The following SVEP1 variants were observed in gnomAD, a reference collection of about 807,000 sequenced individuals.
SVEP1 encodes sushi, von Willebrand factor type A, EGF and pentraxin domain containing 1, also known as sushi, von Willebrand factor type A, EGF and pentraxin domain-containing protein 1.
In SVEP1, 164 loss-of-function variants were observed where a neutral mutation model predicts 367.3. The observed-to-expected ratio is 0.45, with a 90% CI of 0.39 to 0.51. The LOEUF is 0.51. Among genes scored for constraint, SVEP1 ranks in the 20% least tolerant of loss-of-function variants. SVEP1 has a pLI of 0.00. For synonymous variants in SVEP1, 1,666 were observed against 1,611.6 expected (o/e 1.03, Z -0.81); for missense variants, 4,117 against 4,425.3 (o/e 0.93, Z 1.98).
chr9:110,521,554 G>T (rs10980425), intron 3 of SVEP1, among the ~76,000 whole-genome samples: 4 of 152,058 alleles, frequency 2.6e-5, no homozygotes, highest in African/African-American at 9.7e-5. Flanking sequence ...TTATATGTTG[G>T]GGATCAATAT....
chr9:110,435,464 T>TA, intron 28 of SVEP1, 100 bp from the exon 29 acceptor site: 1 of 1,397,842 alleles, frequency 7.2e-7, no homozygotes, highest in Non-Finnish European at 9.7e-7. Flanking sequence ...ACAGATTTTT[T>TA]AGAGATGGGG....
chr9:110,579,399 G>C lies in SVEP1; in HGVS notation c.145C>G (p.Pro49Ala). ...APGAPGSIPA[P>A]PAPGDEAAGS... ...GCCGCTTCGTCGCCAGGAGCGGGCG[G>C]CGCGGGGATACTCCCGGGGGCCCCG... The change falls in exon 1 of 48, where the codon CCG becomes GCG. Residue 49 changes from proline to alanine, a missense_variant. Pro to Ala is a conservative substitution (Grantham distance 27). Transcript: ENST00000374469. The surrounding 1 kb of genome is among the most constrained non-coding windows in gnomAD (Gnocchi z 5.3). 6.4e-7 allele frequency: 1 copy of C among 1,572,836 alleles called. No homozygotes were observed. Among genetic ancestry groups the C allele is most frequent in the African/African-American group, 1.4e-5 (1 of 73,998 alleles).
Position 110,550,029 on chromosome 9 carries a change from C to A in SVEP1, c.607G>T (p.Asp203Tyr). ...AGTGACGCTGCAATTGGTCTAGGGTCTCCCCCATTGGAATATCCATCAGTG... is the reference window on the plus strand; with the variant it reads ...AGTGACGCTGCAATTGGTCTAGGGTATCCCCCATTGGAATATCCATCAGTG... ...LITDGYSNGG[D>Y]PRPIAASLRD... The change falls in exon 2 of 48, where the codon GAC (aspartate) becomes TAC (tyrosine). Residue 203 changes from aspartate (D) to tyrosine (Y), a missense_variant. Asp to Tyr is a radical substitution (Grantham distance 160). Coordinates refer to ENST00000374469, the MANE Select transcript of SVEP1 (RefSeq NM_153366.4). The A allele has an allele frequency of 1.2e-6, 2 of 1,614,022 alleles. No homozygotes were observed. Among genetic ancestry groups the A allele is most frequent in the Non-Finnish European group, 1.7e-6 (2 of 1,179,890 alleles).
chr9:110,432,728 G>C, intron 30 of SVEP1, 93 bp from the exon 31 acceptor site: 1 of 1,422,216 alleles, frequency 7.0e-7, no homozygotes, highest in East Asian at 2.3e-5. Context: ...AGTTAAGCAT[G>C]ACATTTTTAC....
rs778860095 is a variant in SVEP1, at chr9:110,435,255, C to T, written c.4874G>A (p.Ser1625Asn). 3 of 1,613,054 alleles carry T rather than the reference C, an allele frequency of 1.9e-6. No individual in the cohort carries two copies. The Admixed American group carries it at 5.0e-5, about 27-fold the overall frequency. ...IVGKVKIDSK[S>N]IFCSDCPRLG... ...GAAATTCTCACCAGAACAAAATATG[C>T]TCTTAGAATCGATCTTCACTTTCCC... The change falls in exon 29 of 48, where the codon AGC becomes AAC. Residue 1625 changes from serine to asparagine, a missense_variant. By Grantham distance (46) the Ser-to-Asn change is conservative (BLOSUM62 1). Coordinates refer to ENST00000374469, the MANE Select transcript of SVEP1 (RefSeq NM_153366.4).
In SVEP1 at chr9:110,438,434, G is replaced by A. The variant is rs149234458; in HGVS notation, c.4640-1930C>T. Among the ~76,000 whole-genome samples the A allele has an allele frequency of 2.7e-3, 410 of 152,062 alleles. 4 individuals are homozygous for A. Among genetic ancestry groups the A allele is most frequent in the African/African-American group, 9.3e-3 (387 of 41,478 alleles). ...TGATCAGGCTGGTCTCCAACTCCTGGTCTCAAGTGATCCAGCCACCTCAGC... is the reference window on the plus strand; with the variant it reads ...TGATCAGGCTGGTCTCCAACTCCTGATCTCAAGTGATCCAGCCACCTCAGC... On this transcript the variant is annotated intron_variant, in intron 27 of 47. Coordinates refer to ENST00000374469, the MANE Select transcript of SVEP1 (RefSeq NM_153366.4).
intron 8 of SVEP1, among the ~76,000 whole-genome samples, chr9:110,494,545 T>C (rs1829417170): frequency 6.6e-6 from 1 of 152,186 alleles, no homozygotes; most frequent in Non-Finnish European, 1.5e-5. Flanking sequence ...AGTTACACAA[T>C]TATAGTTTTG....
At chr9:110,553,081 C>T (rs894902398) in intron 1 of SVEP1, among the ~76,000 whole-genome samples, 4 of 152,104 alleles carry the variant, frequency 2.6e-5, no homozygotes, top group African/African-American at 7.2e-5. Flanking sequence ...AACAGACATG[C>T]GGATGACCAA....
At chr9:110,451,533 A>G (rs1180462387) in intron 22 of SVEP1, 131 bp from the exon 23 acceptor site, 4 of 585,722 alleles carry the variant, frequency 6.8e-6, no homozygotes, top group Non-Finnish European at 8.7e-6. Flanking sequence ...TGTGACAAAC[A>G]TGTTGAAATA....
At chr9:110,507,679 T>C (rs886667401) in intron 5 of SVEP1, among the ~76,000 whole-genome samples, 6 of 152,238 alleles carry the variant, frequency 3.9e-5, no homozygotes, top group Admixed American at 2.0e-4. Flanking sequence ...ATCTTTATTG[T>C]GTCTATCAAG....
chr9:110,427,302 CAAAAAAAAAA>C (rs61616981), intron 36 of SVEP1, among the ~76,000 whole-genome samples: 2 of 81,936 alleles, frequency 2.4e-5, no homozygotes, highest in African/African-American at 4.7e-5. Flanking sequence ...GACTCTGTCT[CAAAAAAAAAA>C]AAAAAAAAAA....
Position 110,482,437 on chromosome 9 carries a change from C to G in SVEP1, c.2094G>C (p.Gly698=). Residue 698 remains glycine (G), a synonymous_variant, in exon 11 of 48, where the codon GGG becomes GGC. Coordinates refer to ENST00000374469, the MANE Select transcript of SVEP1 (RefSeq NM_153366.4). ...TGGCTGTATACTGTACTATAGTCTC[C>G]CCTTGAGGGAAAAGGTCTCCTTGTG... The part of the protein sequence containing the change: ...SHTQGDLFPQ[G]ETIVQYTATD... The G allele has an allele frequency of 6.2e-7, 1 of 1,604,884 alleles. No homozygotes were observed.
chr9:110,507,435 T>C (rs1829641938), intron 5 of SVEP1, among the ~76,000 whole-genome samples: 1 of 152,326 alleles, frequency 6.6e-6, no homozygotes, highest in South Asian at 2.1e-4. Context: ...AATGAACCCA[T>C]TCAAATTATA....
At chr9:110,499,765 G>A (rs989264882) in intron 6 of SVEP1, among the ~76,000 whole-genome samples, 3 of 152,190 alleles carry the variant, frequency 2.0e-5, no homozygotes, top group African/African-American at 7.2e-5. Context: ...AGATGAATTA[G>A]GCAGAATGCA....
chr9:110,544,263 C>T (rs779203307), intron 3 of SVEP1, among the ~76,000 whole-genome samples: 5 of 152,108 alleles, frequency 3.3e-5, no homozygotes, highest in East Asian at 1.9e-4. Context: ...AATGTTCACA[C>T]GAAACAAGCA....
intron 1 of SVEP1, among the ~76,000 whole-genome samples, chr9:110,573,103 G>C (rs4130235): frequency 0.19 from 28,847 of 151,800 alleles, 2,835 homozygotes; most frequent in East Asian, 0.28. Flanking sequence ...GTGAGCGATT[G>C]TTGATGTTAA....
At chr9:110,466,554 C>T (rs1022185505) in intron 17 of SVEP1, among the ~76,000 whole-genome samples, 1 of 151,520 alleles carries the variant, frequency 6.6e-6, no homozygotes, top group African/African-American at 2.4e-5. Context: ...GTCAGGAGAT[C>T]GAGACCATCC....
chr9:110,382,146 C>T (rs1206484177), intron 43 of SVEP1, among the ~76,000 whole-genome samples: 3 of 152,000 alleles, frequency 2.0e-5, no homozygotes, highest in Non-Finnish European at 4.4e-5. Flanking sequence ...ATTTTGCAGA[C>T]TTGTTGATGT....
Position 110,407,919 on chromosome 9 carries a change from G to A in SVEP1, c.7681C>T (p.Pro2561Ser), listed in dbSNP as rs1450085654. Residue 2561 changes from proline (P) to serine (S), a missense_variant, in exon 38 of 48, where the codon CCC becomes TCC. Pro to Ser is a moderately conservative substitution (Grantham distance 74, BLOSUM62 -1). Transcript: ENST00000374469. ...CCTTCTACAAAACCATTTTCAATGG[G>A]TTGTGGGGAATCACAGTGGATGGCA... is the stretch of plus-strand genomic sequence containing the variant. ...CNAIHCDSPQ[P>S]IENGFVEGAD... The A allele has an allele frequency of 1.2e-6, 2 of 1,613,848 alleles. No individual in the cohort carries two copies. The highest frequency in any genetic ancestry group is 1.3e-5 in the African/African-American group (1 of 74,904).
Sources: gnomAD v4.1 joint callset for allele counts (sites outside exome capture counted in the v4.1 genomes callset) on GRCh38, gnomAD v4.1.1 for gene constraint, Gnocchi (gnomAD v3.1) non-coding constraint, MANE v1.5 for transcripts, NCBI Gene and HGNC (gene_info 2026-07-23, HGNC 2026-07-21) for gene names.